UFD1: variants seen among roughly 807,000 people sequenced by gnomAD.
UFD1 encodes ubiquitin recognition factor in ER associated degradation 1, also known as ubiquitin recognition factor in ER-associated degradation protein 1.
A neutral mutation model predicts 45.9 loss-of-function variants in UFD1; 13 were observed. That is an observed-to-expected ratio of 0.28 (90% CI 0.18 to 0.45). The LOEUF is 0.45. UFD1 is among the 20% of genes least tolerant of loss of function. UFD1 has a pLI of 1.00. For missense variants in UFD1, 218 were observed against 389.2 expected (o/e 0.56, Z 3.70); for synonymous variants, 128 against 139.2 (o/e 0.92, Z 0.56).
chr22:19,455,601 A>T (rs2089716606), intron 10 of UFD1, 79 bp downstream of exon 10: 1 of 1,367,908 alleles, frequency 7.3e-7, no homozygotes, highest in African/African-American at 1.4e-5. Flanking sequence ...TGTCTCCAGA[A>T]CTGGGGTGAG....
chr22:19,478,979 G>T, intron 1 of UFD1, 104 bp downstream of exon 1: 1 of 1,465,074 alleles, frequency 6.8e-7, no homozygotes, highest in Non-Finnish European at 9.1e-7. Context: ...AGGCCCGGGT[G>T]ACTCGGCACC....
intron 3 of UFD1, among the ~76,000 whole-genome samples, chr22:19,474,454 G>C (rs995466153): frequency 6.6e-6 from 1 of 152,160 alleles, no homozygotes; most frequent in Non-Finnish European, 1.5e-5. Flanking sequence ...GCTGAGGCAG[G>C]AGGATCACTT....
intron 1 of UFD1, among the ~76,000 whole-genome samples, chr22:19,477,568 TAG>T (rs1253178726): frequency 6.6e-6 from 1 of 152,142 alleles, no homozygotes; most frequent in Non-Finnish European, 1.5e-5. Flanking sequence ...TTAATGTGAG[TAG>T]AGTTTCACTT....
chr22:19,457,996 C>T (rs2089736161), intron 7 of UFD1, 75 bp downstream of exon 7: 2 of 1,530,644 alleles, frequency 1.3e-6, no homozygotes, highest in East Asian at 2.3e-5. Context: ...CCTCCTGACA[C>T]CCTGGCCTGC....
intron 1 of UFD1, among the ~76,000 whole-genome samples, chr22:19,478,361 T>C (rs1472689875): frequency 6.6e-6 from 1 of 152,226 alleles, no homozygotes; most frequent in Non-Finnish European, 1.5e-5. Context: ...GACAATACCG[T>C]AGAGTGCTTT....
intron 4 of UFD1, 105 bp from the exon 5 acceptor site, chr22:19,468,108 G>A: frequency 1.4e-6 from 2 of 1,437,438 alleles, no homozygotes; most frequent in Non-Finnish European, 1.9e-6. Context: ...GTCCTTGGAA[G>A]AGGAACCTGA....
intron 9 of UFD1, 28 bp from the exon 10 acceptor site, chr22:19,455,796 A>G: frequency 6.2e-7 from 1 of 1,606,188 alleles, no homozygotes; most frequent in Admixed American, 1.7e-5. Flanking sequence ...GAGTCATATA[A>G]TAAGCCCAAG....
Position 19,455,671 on chromosome 22 carries a change from C to G in UFD1, c.767+9G>C. 1.9e-6 allele frequency: 3 copies of G among 1,613,454 alleles called. No homozygotes were observed. The highest frequency in any genetic ancestry group is 4.5e-5 in the East Asian group (2 of 44,858). ...CTCCTGTCCTGGAGGAGAGCCAGGA[C>G]AGACCTACCTTTTAATATCTCCAGG... On this transcript the variant is annotated intron_variant, in intron 10 of 11. Transcript: ENST00000263202.
intron 3 of UFD1, among the ~76,000 whole-genome samples, chr22:19,473,845 C>A (rs1326512361): frequency 6.6e-6 from 1 of 152,208 alleles, no homozygotes; most frequent in Non-Finnish European, 1.5e-5. Flanking sequence ...GTGAGTCACA[C>A]CACAGCCAGC....
chr22:19,476,678 A>G (rs1248306127), intron 1 of UFD1, among the ~76,000 whole-genome samples: 1 of 150,672 alleles, frequency 6.6e-6, no homozygotes, highest in Non-Finnish European at 1.5e-5. Flanking sequence ...TTTCTTATAC[A>G]TATCTACAAT....
intron 6 of UFD1, among the ~76,000 whole-genome samples, chr22:19,461,600 C>T (rs531036857): frequency 6.6e-6 from 1 of 152,322 alleles, no homozygotes; most frequent in South Asian, 2.1e-4. Context: ...TTACCTTTCT[C>T]CTATCCTTGT....
At chr22:19,451,477 C>T in intron 11 of UFD1, 1 of 985,406 alleles carries the variant, frequency 1.0e-6, no homozygotes, top group South Asian at 4.7e-5. Context: ...ACTAAGCTAT[C>T]CTTCCATCAG....
In UFD1 at chr22:19,454,135, C is replaced by T. The variant is rs2089704004; in HGVS notation, c.849+614G>A. ...CGAAGCCCACCCAGGGCACACAGTT[C>T]TGTGATAACAGAGCCTGGAGTCGGC... On this transcript the variant is annotated intron_variant, in intron 11 of 11. Coordinates refer to ENST00000263202, the MANE Select transcript of UFD1 (RefSeq NM_005659.7). 6 of 986,020 alleles carry T rather than the reference C, an allele frequency of 6.1e-6. No homozygotes were observed. In the South Asian group the frequency reaches 2.8e-4, roughly 46 times the overall value. 61.1% of individuals were successfully genotyped at this position (986,020 alleles called of 1,614,324 possible).
At chr22:19,463,017 T>C (rs903961922) in intron 6 of UFD1, among the ~76,000 whole-genome samples, 2 of 152,260 alleles carry the variant, frequency 1.3e-5, no homozygotes, top group African/African-American at 4.8e-5. Context: ...GCTGTTCTTC[T>C]GAAGGTACTG....
intron 5 of UFD1, chr22:19,466,098 G>A (rs2089799764): frequency 1.3e-5 from 2 of 152,220 alleles, no homozygotes; most frequent in Non-Finnish European, 2.9e-5. Context: ...GGCTATCTAG[G>A]TTCACCTCGC....
intron 4 of UFD1, among the ~76,000 whole-genome samples, chr22:19,469,260 C>T (rs2089826710): frequency 6.6e-6 from 1 of 152,160 alleles, no homozygotes. Flanking sequence ...GCGCACTGTC[C>T]CTGGGTAGAT....
chr22:19,456,492 T>C, intron 9 of UFD1, 95 bp downstream of exon 9: 2 of 1,539,944 alleles, frequency 1.3e-6, no homozygotes, highest in Non-Finnish European at 9.0e-7. Flanking sequence ...CCCCTGCTGA[T>C]GTCCATCGAG....
At chr22:19,471,443 G>T (rs532350161) in intron 4 of UFD1, 2 of 738,322 alleles carry the variant, frequency 2.7e-6, no homozygotes, top group African/African-American at 1.7e-5. Context: ...GTTCAGCTGC[G>T]CAACTATCAA....
chr22:19,456,419 CA>C, intron 9 of UFD1, 167 bp downstream of exon 9: 2 of 846,118 alleles, frequency 2.4e-6, no homozygotes, highest in Non-Finnish European at 1.9e-6. Flanking sequence ...AGAGTGGATA[CA>C]AAAGGGTTTG....
Sources: allele counts gnomAD v4.1 joint callset (sites outside exome capture counted in the v4.1 genomes callset), GRCh38; gene constraint gnomAD v4.1.1; transcripts MANE v1.5; gene names NCBI Gene and HGNC (gene_info 2026-07-23, HGNC 2026-07-21).